Variants in FAM120A observed in about 807,000 individuals in gnomAD.
FAM120A encodes constitutive coactivator of PPAR-gamma-like protein 1.
In FAM120A, 15 loss-of-function variants were observed where a neutral mutation model predicts 109.7. That is an observed-to-expected ratio of 0.14 (90% CI 0.09 to 0.21). The LOEUF (loss-of-function observed/expected upper bound fraction) is 0.21. Among genes scored for constraint, FAM120A ranks in the 10% least tolerant of loss-of-function variants. FAM120A has a pLI of 1.00. For missense variants in FAM120A, 899 were observed against 1,439.3 expected (o/e 0.62, Z 6.07); for synonymous variants, 493 against 572.8 (o/e 0.86, Z 1.99).
intron 10 of FAM120A, among the ~76,000 whole-genome samples, chr9:93,535,127 G>T (rs1467957994): frequency 1.3e-5 from 2 of 152,152 alleles, no homozygotes; most frequent in Admixed American, 6.5e-5. Flanking sequence ...ATGAATAATT[G>T]GTTTAGGTAC....
chr9:93,465,026 TGA>T (rs1255140747), intron 1 of FAM120A, among the ~76,000 whole-genome samples: 11 of 151,374 alleles, frequency 7.3e-5, no homozygotes, highest in Non-Finnish European at 1.0e-4. Context: ...TAAATAAGAG[TGA>T]GAGAGTAGCT....
At chr9:93,478,751 T>C (rs10821137) in intron 3 of FAM120A, among the ~76,000 whole-genome samples, 41,003 of 152,086 alleles carry the variant, frequency 0.27, 6,610 homozygotes, top group East Asian at 0.43. Context: ...GCTGGGATTA[T>C]AGGTGTGAGC....
At chr9:93,478,756 G>A (rs1238301995) in intron 3 of FAM120A, among the ~76,000 whole-genome samples, 1 of 152,176 alleles carries the variant, frequency 6.6e-6, no homozygotes, top group Non-Finnish European at 1.5e-5. Flanking sequence ...GATTATAGGT[G>A]TGAGCCACAG....
Position 93,452,911 on chromosome 9 carries a change from G to A in FAM120A, c.474+522G>A. 7.0e-7 allele frequency: 1 copy of A among 1,432,272 alleles called. No homozygotes were observed. Among genetic ancestry groups the A allele is most frequent in the South Asian group, 1.5e-5 (1 of 66,388 alleles). 88.7% of individuals were successfully genotyped at this position (1,432,272 alleles called of 1,614,324 possible). On this transcript the variant is annotated intron_variant, in intron 1 of 17. Coordinates refer to ENST00000277165, the MANE Select transcript of FAM120A (RefSeq NM_014612.5). The surrounding 1 kb of genome is among the most constrained non-coding windows in gnomAD (Gnocchi z 7.0). ...CGCCCTTGCCAATGTTGTTAGCCCGGTGACAGCGAGACGTGTCTAAGGGCC... is the reference window on the plus strand; with the variant it reads ...CGCCCTTGCCAATGTTGTTAGCCCGATGACAGCGAGACGTGTCTAAGGGCC...
At chr9:93,527,602 T>A (rs149924278) in intron 8 of FAM120A, among the ~76,000 whole-genome samples, 2,610 of 148,084 alleles carry the variant, frequency 0.018, 74 homozygotes, top group African/African-American at 0.059. Context: ...TTTAAAAAAA[T>A]TTTTGTATTT....
Position 93,520,913 on chromosome 9 carries a change from T to C in FAM120A, c.1418+4644T>C, listed in dbSNP as rs1860819378. On this transcript the variant is annotated intron_variant, in intron 7 of 17. Coordinates refer to ENST00000277165, the MANE Select transcript of FAM120A (RefSeq NM_014612.5). ...CTTGGCAGCCCTGAACTTTATCTCT[T>C]CTTTTCGTTGTATTTCTTTAATATC... Among the ~76,000 whole-genome samples the C allele has an allele frequency of 3.3e-5, 5 of 152,258 alleles. No homozygotes were observed. In the South Asian group the frequency reaches 1.0e-3, roughly 31 times the overall value.
intron 5 of FAM120A, among the ~76,000 whole-genome samples, chr9:93,510,503 T>C (rs1288436531): frequency 6.6e-6 from 1 of 152,242 alleles, no homozygotes; most frequent in Non-Finnish European, 1.5e-5. Flanking sequence ...AGTAGCGACC[T>C]GGTAGAGTTC....
At chr9:93,495,768 C>T (rs1326013923) in intron 3 of FAM120A, among the ~76,000 whole-genome samples, 1 of 152,136 alleles carries the variant, frequency 6.6e-6, no homozygotes, top group Admixed American at 6.5e-5. Context: ...GTGGCCGTTT[C>T]AGGAAATTGG....
Position 93,452,768 on chromosome 9 carries a change from C to G in FAM120A, c.474+379C>G. On this transcript the variant is annotated intron_variant, in intron 1 of 17. Transcript: ENST00000277165. This position sits in a 1 kb window ranked among gnomAD's most constrained non-coding sequence, Gnocchi z 7.0. ...CAACTTTGACAAAATACTCCCTTTTCTAATTTAGCCTGTTCTTTCCCAGCA... is the reference window on the plus strand; with the variant it reads ...CAACTTTGACAAAATACTCCCTTTTGTAATTTAGCCTGTTCTTTCCCAGCA... 1 of 1,596,316 alleles carries G rather than the reference C, an allele frequency of 6.3e-7. No homozygotes were observed. The highest frequency in any genetic ancestry group is 8.5e-7 in the Non-Finnish European group (1 of 1,179,338).
intron 5 of FAM120A, among the ~76,000 whole-genome samples, chr9:93,509,137 G>A (rs1860199178): frequency 6.6e-6 from 1 of 152,260 alleles, no homozygotes; most frequent in South Asian, 2.1e-4. Context: ...AAAGGATAGA[G>A]GCAGGTCCTC....
intron 5 of FAM120A, among the ~76,000 whole-genome samples, chr9:93,511,411 G>A (rs1268618826): frequency 6.6e-6 from 1 of 152,196 alleles, no homozygotes; most frequent in East Asian, 1.9e-4. Flanking sequence ...CACTGACATT[G>A]CACCTGGTCT....
At chr9:93,522,678 G>T (rs1860893029) in intron 7 of FAM120A, among the ~76,000 whole-genome samples, 1 of 152,138 alleles carries the variant, frequency 6.6e-6, no homozygotes, top group Admixed American at 6.5e-5. Context: ...GTATAAATGG[G>T]TTTCATTTTC....
At chr9:93,489,522 C>T (rs1293796304) in intron 3 of FAM120A, among the ~76,000 whole-genome samples, 3 of 152,214 alleles carry the variant, frequency 2.0e-5, no homozygotes, top group Non-Finnish European at 2.9e-5. Flanking sequence ...CCTGCCTTTT[C>T]GTCCTAGGCT....
chr9:93,494,199 G>A (rs1173361249), intron 3 of FAM120A, among the ~76,000 whole-genome samples: 2 of 152,114 alleles, frequency 1.3e-5, no homozygotes, highest in African/African-American at 2.4e-5. Context: ...GAGGCCTCTC[G>A]CCAATCGGAC....
At chr9:93,482,281 G>A (rs1028822784) in intron 3 of FAM120A, among the ~76,000 whole-genome samples, 6 of 147,458 alleles carry the variant, frequency 4.1e-5, no homozygotes, top group South Asian at 2.2e-4. Context: ...TCTGCCTCCC[G>A]AGTTCAAGCA....
rs1861386532 is a variant in FAM120A, at chr9:93,532,946, C to A, written c.1909+617C>A. Among the ~76,000 whole-genome samples, 1 of 152,158 alleles carries A rather than the reference C, an allele frequency of 6.6e-6. No homozygotes were observed. The highest frequency in any genetic ancestry group is 2.1e-4 in the South Asian group (1 of 4,826). ...GAAAAGGATTGTTTGAAAAGTTGGTCAAAGATGAGGTCAAAGCATTTTTCT... is the reference window on the plus strand; with the variant it reads ...GAAAAGGATTGTTTGAAAAGTTGGTAAAAGATGAGGTCAAAGCATTTTTCT... On this transcript the variant is annotated intron_variant, in intron 10 of 17. Coordinates refer to ENST00000277165, the MANE Select transcript of FAM120A (RefSeq NM_014612.5). The surrounding 1 kb of genome is among the most constrained non-coding windows in gnomAD (Gnocchi z 4.3).
intron 7 of FAM120A, among the ~76,000 whole-genome samples, chr9:93,524,811 G>A (rs890624947): frequency 5.3e-5 from 8 of 152,110 alleles, no homozygotes; most frequent in African/African-American, 1.2e-4. Flanking sequence ...TTGTGAGAGC[G>A]CCACAGGCTT....
intron 2 of FAM120A, among the ~76,000 whole-genome samples, chr9:93,473,075 T>C (rs898588341): frequency 1.3e-5 from 2 of 152,040 alleles, no homozygotes; most frequent in Admixed American, 6.6e-5. Context: ...TGGAGTACAG[T>C]AGTGTGATCT....
At chr9:93,551,588 A>T (rs1252895798) in intron 12 of FAM120A, among the ~76,000 whole-genome samples, 5 of 152,046 alleles carry the variant, frequency 3.3e-5, no homozygotes, top group African/African-American at 1.2e-4. Flanking sequence ...TCACCTTTAG[A>T]TCTTTTTGGC....
Sources: allele counts gnomAD v4.1 joint callset (sites outside exome capture counted in the v4.1 genomes callset), GRCh38; gene constraint gnomAD v4.1.1; non-coding constraint Gnocchi (gnomAD v3.1); transcripts MANE v1.5; gene names NCBI Gene and HGNC (gene_info 2026-07-23, HGNC 2026-07-21).